The following MAP1LC3C variants were observed in gnomAD, a reference collection of about 807,000 sequenced individuals.
The protein encoded by MAP1LC3C is microtubule-associated protein 1 light chain 3 gamma.
A neutral mutation model predicts 10.4 loss-of-function variants in MAP1LC3C; 12 were observed. The ratio of observed to expected loss-of-function variants is 1.15; its 90% CI spans 0.74 to 1.86. The LOEUF is 1.86. Ranked by LOEUF, MAP1LC3C falls within the 40% of genes most tolerant of loss-of-function variation. The pLI is 0.00. For missense variants in MAP1LC3C, 177 were observed against 185.7 expected, an observed-to-expected ratio of 0.95 and a Z score of 0.27; for synonymous variants, 70 against 69.0, an observed-to-expected ratio of 1.01 and a Z score of -0.07.
rs756344989 is a variant in MAP1LC3C at position 241,996,253 on chromosome 1, G to A, written c.354C>T (p.Thr118=). 10 of 1,614,172 alleles carry A rather than the reference G, an allele frequency of 6.2e-6. No individual in the cohort carries two copies. Among genetic ancestry groups the A allele is most frequent in the South Asian group, 1.1e-5 (1 of 91,084 alleles). Residue 118 remains threonine (T), a synonymous_variant, in exon 4 of 4, where the codon ACC becomes ACT. Coordinates refer to ENST00000357246, the MANE Select transcript of MAP1LC3C (RefSeq NM_001004343.3). ...YKDEDGFVYM[T]YASQETFGCL... ...AGCCAAATGTCTCCTGGGAGGCGTA[G>A]GTCATGTACACGAAGCCATCCTCAT...
chr1:241,997,769 T>C (rs1306533087), intron 3 of MAP1LC3C, among the ~76,000 whole-genome samples: 1 of 152,122 alleles, frequency 6.6e-6, no homozygotes, highest in East Asian at 1.9e-4. Flanking sequence ...TCTCTCTCAG[T>C]GTTCTGAGCA....
At position 241,996,236 on chromosome 1, in the gene MAP1LC3C, G is replaced by A; in HGVS notation, c.371C>T (p.Thr124Ile). The change falls in exon 4 of 4, where the codon ACA becomes ATA. Residue 124 changes from threonine (T) to isoleucine (I), a missense_variant. Thr to Ile is a moderately conservative substitution (Grantham distance 89). Transcript: ENST00000357246. ...FVYMTYASQE[T>I]FGCLESAAPR... is the part of the protein sequence containing the mutation. ...GGCTGCTGACTCCAGGCAGCCAAAT[G>A]TCTCCTGGGAGGCGTAGGTCATGTA... The A allele has an allele frequency of 1.9e-6, 3 of 1,614,156 alleles. No homozygotes were observed. Among genetic ancestry groups the A allele is most frequent in the South Asian group, 2.2e-5 (2 of 91,080 alleles).
upstream of MAP1LC3C, among the ~76,000 whole-genome samples, chr1:242,000,154 G>A (rs1214264223): frequency 6.6e-6 from 1 of 152,184 alleles, no homozygotes; most frequent in Non-Finnish European, 1.5e-5. Flanking sequence ...TGTCTACCTG[G>A]AGACAGCATC....
At chr1:242,000,959 G>A (rs891639152), upstream of MAP1LC3C, among the ~76,000 whole-genome samples, 6 of 152,086 alleles carry the variant, frequency 3.9e-5, no homozygotes, top group South Asian at 2.1e-4. Flanking sequence ...ACTGCTAGCC[G>A]TCAGTCAACT....
At position 241,999,095 on chromosome 1, in the gene MAP1LC3C, A is replaced by G. The variant is rs561614672; in HGVS notation, c.-87T>C. ...TAACTCATTCCTCCAGCTGCTTCCA[A>G]ACTGCCTGCAGGAGCCTGAAGGAGG... On this transcript the variant is annotated 5_prime_UTR_variant, in exon 1 of 4. Coordinates refer to ENST00000357246, the MANE Select transcript of MAP1LC3C (RefSeq NM_001004343.3). 1,364 of 1,517,530 alleles carry G rather than the reference A, an allele frequency of 9.0e-4. No individual in the cohort carries two copies. The highest frequency in any genetic ancestry group is 1.1e-3 in the Non-Finnish European group (1,287 of 1,145,100). The allele number at this position is 1,517,530 out of a possible 1,614,324, so 94.0% of individuals were successfully genotyped here.
At chr1:242,000,805 G>A (rs772648186), upstream of MAP1LC3C, among the ~76,000 whole-genome samples, 106 of 152,228 alleles carry the variant, frequency 7.0e-4, no homozygotes, top group Admixed American at 1.8e-3. Context: ...AAGCAAGATT[G>A]ATTAAACCAT....
At chr1:241,998,422 C>G in intron 3 of MAP1LC3C, 92 bp downstream of exon 3, 1 of 1,031,450 alleles carries the variant, frequency 9.7e-7, no homozygotes, top group East Asian at 2.4e-5. Flanking sequence ...GACGTGCCCC[C>G]ATCCCCAAAA....
rs200314093 is a variant in MAP1LC3C, at chr1:241,995,918, C to CAA, written c.*243_*244dup. ...TAGGCAATAGAGCAAGACCCTGTTTCAAAAAAAAAAAAATGATAATTATAT... is the reference window on the plus strand; with the variant it reads ...TAGGCAATAGAGCAAGACCCTGTTTCAAAAAAAAAAAAAAATGATAATTATAT... On this transcript the variant is annotated 3_prime_UTR_variant, in exon 4 of 4. Transcript: ENST00000357246. 1,336 of 310,104 alleles carry CAA rather than the reference C, an allele frequency of 4.3e-3. No individual in the cohort carries two copies. Among genetic ancestry groups the CAA allele is most frequent in the Middle Eastern group, 8.5e-3 (9 of 1,056 alleles). 19.2% of individuals were successfully genotyped at this position (310,104 alleles called of 1,614,324 possible).
chr1:241,996,395 G>A lies in MAP1LC3C; in HGVS notation c.222-10C>T, dbSNP rs1665086907. 6.2e-7 allele frequency: 1 copy of A among 1,611,686 alleles called. No individual in the cohort carries two copies. The highest frequency in any genetic ancestry group is 8.5e-7 in the Non-Finnish European group (1 of 1,178,306). ...CAGGACCATGCGGCTCCTGGGATGGGCAGGAGGGTGGTGAGGGTATGGCCT... is the reference window on the plus strand; with the variant it reads ...CAGGACCATGCGGCTCCTGGGATGGACAGGAGGGTGGTGAGGGTATGGCCT... On this transcript the variant is annotated splice_polypyrimidine_tract_variant and intron_variant, in intron 3 of 3. Transcript: ENST00000357246.
chr1:241,998,718 A>G, intron 2 of MAP1LC3C, 58 bp downstream of exon 2: 2 of 1,611,788 alleles, frequency 1.2e-6, no homozygotes, highest in Non-Finnish European at 1.7e-6. Flanking sequence ...GGTTTTTCAG[A>G]GAACAGGATC....
chr1:241,996,479 T>C lies in MAP1LC3C; in HGVS notation c.222-94A>G, dbSNP rs1665088925. On this transcript the variant is annotated intron_variant, in intron 3 of 3. Coordinates refer to ENST00000357246, the MANE Select transcript of MAP1LC3C (RefSeq NM_001004343.3). Reference sequence around the variant, plus strand: ...ACTCAAGAAGACTGAATTGCTCCCTTCTTCTTCCCTGAGATTTAGGAACTA... The same window carrying C: ...ACTCAAGAAGACTGAATTGCTCCCTCCTTCTTCCCTGAGATTTAGGAACTA... The C allele has an allele frequency of 2.0e-5, 20 of 1,021,944 alleles. No homozygotes were observed. In the South Asian group the frequency reaches 3.2e-4, roughly 16 times the overall value. The allele number at this position is 1,021,944 out of a possible 1,614,324, so 63.3% of individuals were successfully genotyped here. A position where few individuals can be genotyped will look rare whatever the true frequency, so the allele number is the denominator to read the frequency against.
chr1:241,996,128 A>T lies in MAP1LC3C; in HGVS notation c.*35T>A. 6.3e-7 allele frequency: 1 copy of T among 1,578,104 alleles called. No homozygotes were observed. ...CCAATCCCTTCTGCCAGCATCTGAC[A>T]CGTCTGTCAGAGCACACATCCTTCC... On this transcript the variant is annotated 3_prime_UTR_variant, in exon 4 of 4. Coordinates refer to ENST00000357246, the MANE Select transcript of MAP1LC3C (RefSeq NM_001004343.3).
At chr1:241,999,727 T>C (rs1574238105), upstream of MAP1LC3C, among the ~76,000 whole-genome samples, 1 of 152,136 alleles carries the variant, frequency 6.6e-6, no homozygotes, top group Non-Finnish European at 1.5e-5. Context: ...GAGAATCGCT[T>C]GAACCCAGGA....
chr1:241,996,909 C>CAAAAAAAAAAAAAAAAAAAAAAA (rs71174887), intron 3 of MAP1LC3C, among the ~76,000 whole-genome samples: 4 of 42,768 alleles, frequency 9.4e-5, no homozygotes, highest in Non-Finnish European at 1.3e-4. Flanking sequence ...GACTGCGTCT[C>CAAAAAAAAAAAAAAAAAAAAAAA]AAAAAAAAAA....
At position 241,996,130 on chromosome 1, in the gene MAP1LC3C, G is replaced by T; in HGVS notation, c.*33C>A. On this transcript the variant is annotated 3_prime_UTR_variant, in exon 4 of 4. Coordinates refer to ENST00000357246, the MANE Select transcript of MAP1LC3C (RefSeq NM_001004343.3). ...AATCCCTTCTGCCAGCATCTGACACGTCTGTCAGAGCACACATCCTTCCCG... is the reference window on the plus strand; with the variant it reads ...AATCCCTTCTGCCAGCATCTGACACTTCTGTCAGAGCACACATCCTTCCCG... 1 of 1,569,680 alleles carries T rather than the reference G, an allele frequency of 6.4e-7. No homozygotes were observed. Among genetic ancestry groups the T allele is most frequent in the Non-Finnish European group, 8.7e-7 (1 of 1,145,042 alleles).
chr1:241,999,086 C>A lies in MAP1LC3C; in HGVS notation c.-78G>T. The A allele has an allele frequency of 6.5e-7, 1 of 1,529,394 alleles. No individual in the cohort carries two copies. The allele number at this position is 1,529,394 out of a possible 1,614,324, so 94.7% of individuals were successfully genotyped here. On this transcript the variant is annotated 5_prime_UTR_variant, in exon 1 of 4. Coordinates refer to ENST00000357246, the MANE Select transcript of MAP1LC3C (RefSeq NM_001004343.3). ...CCGGGAACCTAACTCATTCCTCCAG[C>A]TGCTTCCAAACTGCCTGCAGGAGCC...
chr1:242,000,108 A>G (rs557549259), upstream of MAP1LC3C, among the ~76,000 whole-genome samples: 1 of 152,252 alleles, frequency 6.6e-6, no homozygotes, highest in South Asian at 2.1e-4. Context: ...TCTACAGTGG[A>G]CACCAGCTAG....
Position 241,996,909 on chromosome 1 carries a change from C to CAAAAAA in MAP1LC3C, c.222-530_222-525dup, listed in dbSNP as rs71174887. Among the ~76,000 whole-genome samples the CAAAAAA allele has an allele frequency of 9.0e-3, 387 of 42,766 alleles. 37 individuals carry two copies. The highest frequency in any genetic ancestry group is 0.025 in the African/African-American group (276 of 11,252). The allele number at this position is 42,766 out of a possible 152,430, so 28.1% of individuals were successfully genotyped here. A position where few individuals can be genotyped will look rare whatever the true frequency, so the allele number is the denominator to read the frequency against. ...CTGGTGACAGAGCAAGACTGCGTCTCAAAAAAAAAAAAAAAAGAAAAGAAA... is the reference window on the plus strand; with the variant it reads ...CTGGTGACAGAGCAAGACTGCGTCTCAAAAAAAAAAAAAAAAAAAAAAGAAAAGAAA... On this transcript the variant is annotated intron_variant, in intron 3 of 3. Transcript: ENST00000357246.
chr1:241,996,002 A>C lies in MAP1LC3C; in HGVS notation c.*161T>G, dbSNP rs1665075919. 1 of 562,462 alleles carries C rather than the reference A, an allele frequency of 1.8e-6. No homozygotes were observed. Among genetic ancestry groups the C allele is most frequent in the East Asian group, 2.8e-5 (1 of 35,840 alleles). 34.8% of individuals were successfully genotyped at this position (562,462 alleles called of 1,614,324 possible). On this transcript the variant is annotated 3_prime_UTR_variant, in exon 4 of 4. Transcript: ENST00000357246. ...GGACACAAGAACACGGAGCACAAAA[A>C]CTAAACTAGGAAGAGCCACCACTCT... is the stretch of plus-strand genomic sequence containing the variant.
Sources: gnomAD v4.1 joint callset for allele counts (sites outside exome capture counted in the v4.1 genomes callset) on GRCh38, gnomAD v4.1.1 for gene constraint, MANE v1.5 for transcripts, NCBI Gene and HGNC (gene_info 2026-07-23, HGNC 2026-07-21) for gene names.